Variants in ADGRE2 observed in about 807,000 individuals in gnomAD.
The protein encoded by ADGRE2 is adhesion G protein-coupled receptor E2, also known as CD97 antigen.
In ADGRE2, 83 loss-of-function variants were observed where a neutral mutation model predicts 100.8. The ratio of observed to expected loss-of-function variants is 0.82; its 90% CI spans 0.69 to 0.99. The LOEUF (loss-of-function observed/expected upper bound fraction) is 0.99, where lower values mean the gene tolerates loss of function less well. Among genes scored for constraint, ADGRE2 ranks in the 50% least tolerant of loss-of-function variants. ADGRE2 has a pLI of 0.00. For missense variants in ADGRE2, 814 were observed against 1,035.7 expected (o/e 0.79, Z 2.94); for synonymous variants, 355 against 413.0 (o/e 0.86, Z 1.70).
intron 5 of ADGRE2, among the ~76,000 whole-genome samples, chr19:14,769,165 G>A (rs895666765): frequency 2.6e-5 from 4 of 152,106 alleles, no homozygotes; most frequent in Non-Finnish European, 5.9e-5. Flanking sequence ...TGAGACGGGC[G>A]GATCACTTGA....
At chr19:14,762,858 G>A (rs941652207) in intron 11 of ADGRE2, among the ~76,000 whole-genome samples, 5 of 151,976 alleles carry the variant, frequency 3.3e-5, no homozygotes, top group African/African-American at 1.2e-4. Context: ...TGGCCAGGCT[G>A]GATTTGAACT....
At chr19:14,749,076 T>G (rs1264626485) in intron 16 of ADGRE2, among the ~76,000 whole-genome samples, 1 of 151,186 alleles carries the variant, frequency 6.6e-6, no homozygotes, top group African/African-American at 2.4e-5. Context: ...AATCATATAA[T>G]TATAAGATCA....
At chr19:14,750,167 CTA>C (rs1158910981) in intron 16 of ADGRE2, among the ~76,000 whole-genome samples, 1 of 121,204 alleles carries the variant, frequency 8.3e-6, no homozygotes, top group Admixed American at 8.1e-5. Flanking sequence ...TTATTTATAG[CTA>C]TGTTATATAA....
intron 20 of ADGRE2, chr19:14,741,835 G>A: frequency 2.6e-6 from 1 of 389,920 alleles, no homozygotes. Flanking sequence ...TTGCTCATCA[G>A]TGAAATGGGG....
chr19:14,772,476 A>T lies in ADGRE2; in HGVS notation c.221T>A (p.Leu74Gln). ...TCDDINECAT[L>Q]SKVSCGKFSD... The stretch of plus-strand genomic sequence containing the variant: ...GAATTTTCCGCATGACACTTTCGAC[A>T]GTGTTGCACACTCGTTGATGTCTGG... The change falls in exon 5 of 21, where the codon CTG (leucine) becomes CAG (glutamine). Residue 74 changes from leucine to glutamine, a missense_variant. Leu to Gln is a moderately radical substitution (Grantham distance 113). Transcript: ENST00000315576. 6.2e-7 allele frequency: 1 copy of T among 1,613,992 alleles called. No individual in the cohort carries two copies. The highest frequency in any genetic ancestry group is 8.5e-7 in the Non-Finnish European group (1 of 1,179,998).
chr19:14,762,539 T>C (rs1165107243), intron 11 of ADGRE2, among the ~76,000 whole-genome samples: 1 of 152,148 alleles, frequency 6.6e-6, no homozygotes, highest in Admixed American at 6.6e-5. Context: ...TTTGGGCTGA[T>C]GCAAGCATTT....
At chr19:14,760,438 A>C (rs1033616069) in intron 11 of ADGRE2, among the ~76,000 whole-genome samples, 11 of 152,238 alleles carry the variant, frequency 7.2e-5, no homozygotes, top group African/African-American at 2.7e-4. Flanking sequence ...GTGGGGAATT[A>C]GAATGATGCA....
At chr19:14,741,308 G>T (rs2147118881) in intron 20 of ADGRE2, among the ~76,000 whole-genome samples, 1 of 151,810 alleles carries the variant, frequency 6.6e-6, no homozygotes, top group East Asian at 1.9e-4. Flanking sequence ...TGTTGGCCAG[G>T]CTGGTCTCGA....
At position 14,740,757 on chromosome 19, in the gene ADGRE2, C is replaced by T. The variant is rs1363640763; in HGVS notation, c.2463+2663G>A. On this transcript the variant is annotated intron_variant, in intron 20 of 20. Transcript: ENST00000315576. ...TTATTATTTATGTATTTACTTTACACAAGGGGTCTTGCTCTGTCACCCAGG... is the reference window on the plus strand; with the variant it reads ...TTATTATTTATGTATTTACTTTACATAAGGGGTCTTGCTCTGTCACCCAGG... 2.0e-5 allele frequency among the ~76,000 whole-genome samples: 3 copies of T among 151,990 alleles called. No individual in the cohort carries two copies. In the East Asian group the frequency reaches 5.8e-4, roughly 29 times the overall value.
At chr19:14,749,335 A>G (rs1198697640) in intron 16 of ADGRE2, among the ~76,000 whole-genome samples, 2 of 53,360 alleles carry the variant, frequency 3.7e-5, no homozygotes, top group Admixed American at 1.7e-4. Flanking sequence ...TAATATAATT[A>G]TAATGATATG....
chr19:14,765,204 C>T, intron 10 of ADGRE2, 116 bp downstream of exon 10: 1 of 1,028,448 alleles, frequency 9.7e-7, no homozygotes, highest in Non-Finnish European at 1.5e-6. Context: ...TGCTGGGAGT[C>T]AGACCAGCAC....
At chr19:14,751,957 G>A (rs561189367) in intron 15 of ADGRE2, among the ~76,000 whole-genome samples, 13 of 141,260 alleles carry the variant, frequency 9.2e-5, no homozygotes, top group African/African-American at 3.1e-4. Flanking sequence ...TTTTGAGACG[G>A]AATTTCACTC....
downstream of ADGRE2, among the ~76,000 whole-genome samples, chr19:14,728,912 G>T (rs149057411): frequency 1.3e-5 from 2 of 152,288 alleles, no homozygotes; most frequent in African/African-American, 4.8e-5. Context: ...CTTCCCCCAT[G>T]GGCTGGGGTC....
At chr19:14,756,520 T>C (rs909329040) in intron 11 of ADGRE2, among the ~76,000 whole-genome samples, 175 bp from the exon 12 acceptor site, 1 of 152,136 alleles carries the variant, frequency 6.6e-6, no homozygotes, top group Non-Finnish European at 1.5e-5. Context: ...CTAGATGAAA[T>C]GGACACATTC....
At chr19:14,725,299 C>T in the ADGRE2 span, among the ~76,000 whole-genome samples, 4 of 152,166 alleles carry the variant, frequency 2.6e-5, no homozygotes, top group African/African-American at 7.2e-5. Flanking sequence ...CCACCAGTCC[C>T]CATCTCCAAT....
At chr19:14,773,080 C>CAAAAAAAAA (rs35688921) in intron 4 of ADGRE2, among the ~76,000 whole-genome samples, 9 of 45,808 alleles carry the variant, frequency 2.0e-4, no homozygotes, top group African/African-American at 8.3e-4. Flanking sequence ...GACTCCATCT[C>CAAAAAAAAA]AAAAAAAAAA....
intron 12 of ADGRE2, 97 bp downstream of exon 12, chr19:14,756,137 CCACA>C: frequency 1.0e-6 from 1 of 982,532 alleles, no homozygotes; most frequent in Non-Finnish European, 1.6e-6. Context: ...TCCAAACATC[CCACA>C]CTTCCCTTTA....
intron 20 of ADGRE2, among the ~76,000 whole-genome samples, chr19:14,740,650 A>G (rs1392508066): frequency 6.6e-6 from 1 of 151,806 alleles, no homozygotes; most frequent in Non-Finnish European, 1.5e-5. Context: ...AAAATAAAAA[A>G]GGAAAAAGGT....
At chr19:14,751,700 C>A in intron 15 of ADGRE2, 29 bp from the exon 16 acceptor site, 1 of 1,573,576 alleles carries the variant, frequency 6.4e-7, no homozygotes, top group Non-Finnish European at 8.7e-7. Context: ...ACGCCCAGAG[C>A]GGCGATCAGA....
Sources: gnomAD v4.1 joint callset for allele counts (sites outside exome capture counted in the v4.1 genomes callset) on GRCh38, gnomAD v4.1.1 for gene constraint, MANE v1.5 for transcripts, NCBI Gene and HGNC (gene_info 2026-07-23, HGNC 2026-07-21) for gene names.